Variants in SPTBN1 observed in about 807,000 individuals in gnomAD.
The protein encoded by SPTBN1 is spectrin beta chain, non-erythrocytic 1.
In SPTBN1, 32 loss-of-function variants were observed where a neutral mutation model predicts 266.4. The ratio of observed to expected loss-of-function variants is 0.12; its 90% CI spans 0.09 to 0.16. The LOEUF is 0.16. Ranked by LOEUF, SPTBN1 falls within the 10% of genes least tolerant of loss-of-function variation. SPTBN1 has a pLI of 1.00. For synonymous variants in SPTBN1, 1,336 were observed against 1,162.2 expected (o/e 1.15, Z -3.04); for missense variants, 2,296 against 3,067.1 (o/e 0.75, Z 5.94).
intron 3 of SPTBN1, among the ~76,000 whole-genome samples, chr2:54,606,314 C>T (rs1676836642): frequency 6.6e-6 from 1 of 152,150 alleles, no homozygotes; most frequent in Admixed American, 6.5e-5. Flanking sequence ...TCGCCTCCAC[C>T]CTCTTGGAGG....
rs879040058 is a variant in SPTBN1 at position 54,659,952 on chromosome 2, G to A, written c.6373G>A (p.Glu2125Lys). The A allele has an allele frequency of 6.2e-7, 1 of 1,614,054 alleles. No homozygotes were observed. Among genetic ancestry groups the A allele is most frequent in the Non-Finnish European group, 8.5e-7 (1 of 1,180,024 alleles). The part of the protein sequence containing the change: ...SQQQWDTSKG[E>K]QVSQNGLPAE... ...CCCTAACAGGGATACTTCAAAAGGA[G>A]AACAAGTTTCCCAAAACGGTTTGCC... The change falls in exon 32 of 36, where the codon GAA becomes AAA. Residue 2125 changes from glutamate (E) to lysine (K), a missense_variant. Physicochemically the swap from Glu to Lys is moderately conservative, Grantham distance 56. Transcript: ENST00000356805.
At chr2:54,591,674 C>A (rs1245224125) in intron 2 of SPTBN1, among the ~76,000 whole-genome samples, 1 of 152,170 alleles carries the variant, frequency 6.6e-6, no homozygotes, top group Non-Finnish European at 1.5e-5. Flanking sequence ...ATTCCTGGCT[C>A]CCATCCCTTT....
Position 54,617,695 on chromosome 2 carries a change from C to G in SPTBN1, c.647+7C>G, listed in dbSNP as rs1269667171. 2 of 1,613,498 alleles carry G rather than the reference C, an allele frequency of 1.2e-6. No individual in the cohort carries two copies. The highest frequency in any genetic ancestry group is 2.2e-5 in the East Asian group (1 of 44,886). On this transcript the variant is annotated splice_region_variant and intron_variant, in intron 6 of 35. Coordinates refer to ENST00000356805, the MANE Select transcript of SPTBN1 (RefSeq NM_003128.3). ...CACTGATACACAAACACCGGTAAGT[C>G]CATACAAATCATCCTAGCAATCGTG...
intron 1 of SPTBN1, among the ~76,000 whole-genome samples, chr2:54,469,108 A>C (rs750916962): frequency 6.6e-6 from 1 of 152,214 alleles, no homozygotes; most frequent in Non-Finnish European, 1.5e-5. Context: ...TATGCAAGCC[A>C]GTTCTTTAAG....
At chr2:54,595,407 G>A (rs1348319018) in intron 2 of SPTBN1, among the ~76,000 whole-genome samples, 1 of 152,242 alleles carries the variant, frequency 6.6e-6, no homozygotes, top group African/African-American at 2.4e-5. Context: ...GGCAGGGCTG[G>A]TTGGGAACCT....
At chr2:54,551,651 G>A (rs1466901212) in intron 2 of SPTBN1, among the ~76,000 whole-genome samples, 1 of 152,162 alleles carries the variant, frequency 6.6e-6, no homozygotes, top group Non-Finnish European at 1.5e-5. Context: ...ACAGGAAAAG[G>A]ATATAAATGG....
intron 26 of SPTBN1, among the ~76,000 whole-genome samples, chr2:54,650,325 C>T (rs1263679967): frequency 2.6e-5 from 4 of 152,188 alleles, no homozygotes; most frequent in Admixed American, 2.6e-4. Context: ...TAATATTTTA[C>T]TATTTTTCAT....
chr2:54,480,281 A>ATGC (rs1013578948), intron 1 of SPTBN1, among the ~76,000 whole-genome samples: 4 of 152,234 alleles, frequency 2.6e-5, no homozygotes, highest in African/African-American at 9.7e-5. Flanking sequence ...GGAGTGGCAA[A>ATGC]GCCCAACCTC....
chr2:54,467,647 A>G (rs1191528895), intron 1 of SPTBN1, among the ~76,000 whole-genome samples: 3 of 152,154 alleles, frequency 2.0e-5, no homozygotes, highest in African/African-American at 7.2e-5. Flanking sequence ...GGCCTCCCAA[A>G]ATTCTGGGAT....
chr2:54,548,735 A>C (rs1218273657), intron 2 of SPTBN1, among the ~76,000 whole-genome samples: 1 of 152,188 alleles, frequency 6.6e-6, no homozygotes, highest in African/African-American at 2.4e-5. Context: ...TTCTTACTAT[A>C]AATGAGATGG....
intron 1 of SPTBN1, among the ~76,000 whole-genome samples, chr2:54,499,705 G>A (rs371589800): frequency 5.9e-5 from 9 of 152,122 alleles, no homozygotes; most frequent in African/African-American, 1.4e-4. Flanking sequence ...AATATGGAAG[G>A]CATTTTCTGG....
chr2:54,660,158 C>T (rs1168955250), intron 32 of SPTBN1, 159 bp downstream of exon 32: 6 of 1,528,806 alleles, frequency 3.9e-6, no homozygotes, highest in Non-Finnish European at 5.3e-6. Flanking sequence ...TTCCACTTCA[C>T]CCAAAATGTT....
intron 2 of SPTBN1, among the ~76,000 whole-genome samples, chr2:54,593,870 G>A (rs1675859251): frequency 9.0e-6 from 1 of 111,536 alleles, no homozygotes; most frequent in African/African-American, 3.4e-5. Context: ...TCTTAACGCT[G>A]TCGCCCAGGC....
intron 1 of SPTBN1, among the ~76,000 whole-genome samples, chr2:54,460,195 A>G (rs965386524): frequency 6.6e-6 from 1 of 152,258 alleles, no homozygotes; most frequent in African/African-American, 2.4e-5. Flanking sequence ...TTGTATGCAC[A>G]TTAAATGAAG....
intron 18 of SPTBN1, among the ~76,000 whole-genome samples, chr2:54,638,151 T>A (rs1679279506): frequency 6.6e-6 from 1 of 152,226 alleles, no homozygotes. Flanking sequence ...TAGCTGTATT[T>A]TAAGTGCTCA....
At chr2:54,526,885 A>T in intron 2 of SPTBN1, 2 of 208,328 alleles carry the variant, frequency 9.6e-6, no homozygotes, top group East Asian at 1.2e-4. Flanking sequence ...ACTATTCCTT[A>T]TACTCAAAAA....
chr2:54,658,901 C>G (rs1680851677), intron 30 of SPTBN1, among the ~76,000 whole-genome samples: 1 of 152,188 alleles, frequency 6.6e-6, no homozygotes, highest in Non-Finnish European at 1.5e-5. Context: ...AAATTAAACC[C>G]AAGCTCCCAG....
chr2:54,647,112 T>C lies in SPTBN1; in HGVS notation c.4867-19T>C, dbSNP rs2104076975. The C allele has an allele frequency of 6.2e-7, 1 of 1,614,172 alleles. No individual in the cohort carries two copies. Among genetic ancestry groups the C allele is most frequent in the Non-Finnish European group, 8.5e-7 (1 of 1,180,010 alleles). Reference sequence around the variant, plus strand: ...CCAGAGGGGACCGCTATGGTTGTGATGTTCTCCTGTCTTTGCAGGATGAGC... The same window carrying C: ...CCAGAGGGGACCGCTATGGTTGTGACGTTCTCCTGTCTTTGCAGGATGAGC... On this transcript the variant is annotated intron_variant, in intron 23 of 35. Coordinates refer to ENST00000356805, the MANE Select transcript of SPTBN1 (RefSeq NM_003128.3).
At chr2:54,654,925 A>C in intron 27 of SPTBN1, 145 bp from the exon 28 acceptor site, 1 of 1,185,678 alleles carries the variant, frequency 8.4e-7, no homozygotes, top group Non-Finnish European at 1.2e-6. Flanking sequence ...GGCCCAGCCT[A>C]AGCTCAGGGA....
Sources: gnomAD v4.1 joint callset for allele counts (sites outside exome capture counted in the v4.1 genomes callset) on GRCh38, gnomAD v4.1.1 for gene constraint, MANE v1.5 for transcripts, NCBI Gene and HGNC (gene_info 2026-07-23, HGNC 2026-07-21) for gene names.